CACNA2D1: variants seen among roughly 807,000 people sequenced by gnomAD.
The protein encoded by CACNA2D1 is voltage-dependent calcium channel subunit alpha-2/delta-1.
In CACNA2D1, 53 loss-of-function variants were observed where a neutral mutation model predicts 171.5. The ratio of observed to expected loss-of-function variants is 0.31; its 90% CI spans 0.25 to 0.39. The LOEUF (loss-of-function observed/expected upper bound fraction) is 0.39. Among genes scored for constraint, CACNA2D1 ranks in the 10% least tolerant of loss-of-function variants. The probability of loss-of-function intolerance (pLI) is 1.00; values close to 1 mark genes in which losing one functional copy is unlikely to be tolerated. For missense variants in CACNA2D1, 903 were observed against 1,299.8 expected, an observed-to-expected ratio of 0.69 and a Z score of 4.69; for synonymous variants, 442 against 443.1, an observed-to-expected ratio of 1.00 and a Z score of 0.03.
intron 18 of CACNA2D1, among the ~76,000 whole-genome samples, chr7:82,003,370 T>C (rs1008886475): frequency 6.6e-6 from 1 of 152,012 alleles, no homozygotes; most frequent in African/African-American, 2.4e-5. Flanking sequence ...AATTGGGCTT[T>C]AATGAAGTTG....
At chr7:82,230,598 A>G (rs1327702681) in intron 3 of CACNA2D1, among the ~76,000 whole-genome samples, 1 of 152,206 alleles carries the variant, frequency 6.6e-6, no homozygotes, top group East Asian at 1.9e-4. Context: ...TGAAGAAGGA[A>G]TTTGGTAGCC....
intron 3 of CACNA2D1, among the ~76,000 whole-genome samples, chr7:82,268,342 G>C (rs1425932839): frequency 2.0e-5 from 3 of 152,076 alleles, no homozygotes; most frequent in Non-Finnish European, 4.4e-5. Flanking sequence ...ACTTAACTGA[G>C]CATAATATAT....
At chr7:82,256,439 T>C (rs907331455) in intron 3 of CACNA2D1, among the ~76,000 whole-genome samples, 4 of 152,212 alleles carry the variant, frequency 2.6e-5, no homozygotes, top group South Asian at 4.1e-4. Flanking sequence ...GTACAATTCA[T>C]TGTGAGTATT....
intron 6 of CACNA2D1, among the ~76,000 whole-genome samples, chr7:82,104,243 G>C (rs1197108402): frequency 6.6e-6 from 1 of 151,952 alleles, no homozygotes; most frequent in Non-Finnish European, 1.5e-5. Context: ...ATGTTTATAT[G>C]TACACAGTTC....
At chr7:82,310,063 T>C (rs571977785) in intron 3 of CACNA2D1, among the ~76,000 whole-genome samples, 19 of 152,098 alleles carry the variant, frequency 1.2e-4, no homozygotes, top group Non-Finnish European at 2.4e-4. Flanking sequence ...CTTATTTTTA[T>C]ATGGTATAGA....
At chr7:82,084,559 C>T (rs1053016291) in intron 7 of CACNA2D1, among the ~76,000 whole-genome samples, 10 of 152,142 alleles carry the variant, frequency 6.6e-5, no homozygotes, top group African/African-American at 2.4e-4. Flanking sequence ...GGCCTGATTC[C>T]AGGTACCAAT....
intron 6 of CACNA2D1, among the ~76,000 whole-genome samples, chr7:82,116,519 A>T (rs1428483260): frequency 6.6e-6 from 1 of 152,190 alleles, no homozygotes; most frequent in Non-Finnish European, 1.5e-5. Context: ...CTGGAAGCCC[A>T]CAATACATTG....
chr7:82,309,198 G>C (rs1814113122), intron 3 of CACNA2D1, among the ~76,000 whole-genome samples: 2 of 152,070 alleles, frequency 1.3e-5, no homozygotes, highest in Non-Finnish European at 2.9e-5. Context: ...CTGAGGTCAG[G>C]AGTTCAAGAT....
intron 1 of CACNA2D1, among the ~76,000 whole-genome samples, chr7:82,366,343 A>C (rs903609401): frequency 7.2e-5 from 11 of 152,130 alleles, no homozygotes; most frequent in African/African-American, 2.7e-4. Context: ...TGAACATAAT[A>C]GCCAATAGGC....
chr7:82,286,617 T>C (rs1810802290), intron 3 of CACNA2D1, among the ~76,000 whole-genome samples: 1 of 152,206 alleles, frequency 6.6e-6, no homozygotes, highest in Admixed American at 6.5e-5. Context: ...TACTTTCATA[T>C]TCTGAGGCAG....
At chr7:82,374,413 T>G (rs193230261) in intron 1 of CACNA2D1, among the ~76,000 whole-genome samples, 11 of 152,290 alleles carry the variant, frequency 7.2e-5, no homozygotes, top group African/African-American at 2.6e-4. Flanking sequence ...TTGACTTAAT[T>G]GCCTGAGAAT....
chr7:82,312,857 A>C (rs564423390), intron 3 of CACNA2D1, among the ~76,000 whole-genome samples: 29 of 152,218 alleles, frequency 1.9e-4, no homozygotes, highest in African/African-American at 6.7e-4. Context: ...TTTGAAATAC[A>C]ATCCAAGACT....
chr7:82,165,654 T>G (rs901244880), intron 4 of CACNA2D1, among the ~76,000 whole-genome samples: 1 of 151,974 alleles, frequency 6.6e-6, no homozygotes, highest in Non-Finnish European at 1.5e-5. Context: ...ATTACATTGG[T>G]TTTCCAGAAT....
Position 81,967,649 on chromosome 7 carries a change from T to A in CACNA2D1, c.2410A>T (p.Ile804Phe). The change falls in exon 30 of 39, where the codon ATT becomes TTT. Residue 804 changes from isoleucine (I) to phenylalanine (F), a missense_variant. Coordinates refer to ENST00000356860, the MANE Select transcript of CACNA2D1 (RefSeq NM_000722.4). ...LLKPAVVGIKIDVNSWIENFT... is the reference protein window; with the variant it reads ...LLKPAVVGIKFDVNSWIENFT... ...TTCTCTATCCAGGAATTTACATCAATTTTAATTCCAACAACTGAAAAATTA... is the reference window on the plus strand; with the variant it reads ...TTCTCTATCCAGGAATTTACATCAAATTTAATTCCAACAACTGAAAAATTA... 6.8e-7 allele frequency: 1 copy of A among 1,470,732 alleles called. No homozygotes were observed. The highest frequency in any genetic ancestry group is 1.7e-5 in the Admixed American group (1 of 58,338). 91.1% of individuals were successfully genotyped at this position (1,470,732 alleles called of 1,614,324 possible).
chr7:82,231,904 T>C (rs1412066130), intron 3 of CACNA2D1, among the ~76,000 whole-genome samples: 1 of 152,160 alleles, frequency 6.6e-6, no homozygotes, highest in African/African-American at 2.4e-5. Context: ...CATTTTACTC[T>C]TCCCCAAGGA....
At chr7:82,135,067 A>G (rs566032917) in intron 5 of CACNA2D1, among the ~76,000 whole-genome samples, 1 of 152,132 alleles carries the variant, frequency 6.6e-6, no homozygotes, top group Non-Finnish European at 1.5e-5. Context: ...ATATAAATGT[A>G]ACTTCTTTAA....
chr7:82,317,248 A>C (rs1399022566), intron 3 of CACNA2D1, among the ~76,000 whole-genome samples: 1 of 152,232 alleles, frequency 6.6e-6, no homozygotes, highest in Non-Finnish European at 1.5e-5. Flanking sequence ...ATTGAGAAGT[A>C]GGAAATTACT....
chr7:82,079,260 G>T (rs1301627660), intron 7 of CACNA2D1, among the ~76,000 whole-genome samples: 1 of 152,144 alleles, frequency 6.6e-6, no homozygotes, highest in Non-Finnish European at 1.5e-5. Flanking sequence ...TACCATCTAA[G>T]CATTGTTATC....
At chr7:82,372,611 A>C (rs916970883) in intron 1 of CACNA2D1, among the ~76,000 whole-genome samples, 1 of 151,662 alleles carries the variant, frequency 6.6e-6, no homozygotes, top group Non-Finnish European at 1.5e-5. Context: ...ATTGTTATGA[A>C]GCAGATTTTT....
Sources: allele counts gnomAD v4.1 joint callset (sites outside exome capture counted in the v4.1 genomes callset), GRCh38; gene constraint gnomAD v4.1.1; transcripts MANE v1.5; gene names NCBI Gene and HGNC (gene_info 2026-07-23, HGNC 2026-07-21).